The following TUSC3 variants were observed in gnomAD, a reference collection of about 807,000 sequenced individuals.
TUSC3 encodes tumor suppressor candidate 3, also known as dolichyl-diphosphooligosaccharide--protein glycosyltransferase subunit TUSC3.
Under a neutral mutation model 44.8 loss-of-function variants are expected in TUSC3, and 45 were observed. The ratio of observed to expected loss-of-function variants is 1.00; its 90% confidence interval spans 0.79 to 1.29. TUSC3 has a LOEUF of 1.29. Among genes scored for constraint, TUSC3 ranks in the 50% most tolerant of loss-of-function variants. TUSC3 has a pLI of 0.00. For synonymous variants in TUSC3, 212 were observed against 152.9 expected (o/e 1.39, Z -2.85); for missense variants, 519 against 437.9 (o/e 1.19, Z -1.65).
intron 1 of TUSC3, among the ~76,000 whole-genome samples, chr8:15,440,461 A>G (rs1473900261): frequency 1.3e-5 from 2 of 152,210 alleles, no homozygotes; most frequent in Non-Finnish European, 2.9e-5. Flanking sequence ...TTTAAAGCAG[A>G]GAATAACAGA....
intron 6 of TUSC3, among the ~76,000 whole-genome samples, chr8:15,727,962 C>T (rs565730418): frequency 1.3e-5 from 2 of 152,284 alleles, no homozygotes; most frequent in Admixed American, 1.3e-4. Flanking sequence ...TCAGGACTGT[C>T]TCTAAAGCCT....
intron 3 of TUSC3, among the ~76,000 whole-genome samples, chr8:15,658,346 T>C (rs1471400414): frequency 6.6e-6 from 1 of 152,158 alleles, no homozygotes; most frequent in Non-Finnish European, 1.5e-5. Context: ...TTGTAAATAA[T>C]GACTGCTGTA....
At chr8:15,555,830 C>G (rs1158594575) in intron 1 of TUSC3, among the ~76,000 whole-genome samples, 1 of 151,248 alleles carries the variant, frequency 6.6e-6, no homozygotes, top group Non-Finnish European at 1.5e-5. Context: ...AGGTAAATTT[C>G]TTACGGACTC....
intron 2 of TUSC3, among the ~76,000 whole-genome samples, chr8:15,525,844 C>G (rs143049580): frequency 3.0e-4 from 46 of 152,100 alleles, no homozygotes; most frequent in African/African-American, 1.1e-3. Flanking sequence ...AGAGCCTGAT[C>G]GGTTAGGCCG....
In TUSC3 at chr8:15,765,058, A is replaced by C. The variant is rs946881193; in HGVS notation, c.*902A>C. 6 of 152,048 alleles carry C rather than the reference A, an allele frequency of 3.9e-5. No individual in the cohort carries two copies. The highest frequency in any genetic ancestry group is 1.4e-4 in the African/African-American group (6 of 41,440). The allele number at this position is 152,048 out of a possible 1,614,324, so 9.4% of individuals were successfully genotyped here. On this transcript the variant is annotated 3_prime_UTR_variant, in exon 11 of 11. Coordinates refer to ENST00000503731, the MANE Select transcript of TUSC3 (RefSeq NM_006765.4). ...TTATCCTAGGATTAGTGAATGATTC[A>C]ATGAAGCTTTCTTGAAAACAAACAT...
intron 1 of TUSC3, among the ~76,000 whole-genome samples, chr8:15,593,894 G>T (rs966575237): frequency 6.6e-6 from 1 of 151,954 alleles, no homozygotes; most frequent in Non-Finnish European, 1.5e-5. Flanking sequence ...AATGTTAATT[G>T]TGAGGATCTG....
chr8:15,737,187 T>G (rs1451104407), intron 7 of TUSC3, among the ~76,000 whole-genome samples: 1 of 152,068 alleles, frequency 6.6e-6, no homozygotes, highest in Non-Finnish European at 1.5e-5. Flanking sequence ...TAGAAAAAAA[T>G]TAATGATAGA....
chr8:15,825,934 T>A, the TUSC3 span, among the ~76,000 whole-genome samples: 5 of 142,588 alleles, frequency 3.5e-5, no homozygotes, highest in Non-Finnish European at 6.1e-5. Flanking sequence ...GCAATACACC[T>A]AAAGAAATTT....
chr8:15,832,606 A>C, the TUSC3 span, among the ~76,000 whole-genome samples: 2 of 152,220 alleles, frequency 1.3e-5, no homozygotes, highest in East Asian at 3.9e-4. Context: ...AAGCAAATGG[A>C]GAACAGAAAA....
chr8:15,491,646 C>T (rs1281496033), intron 2 of TUSC3, among the ~76,000 whole-genome samples: 6 of 152,150 alleles, frequency 3.9e-5, no homozygotes, highest in Non-Finnish European at 8.8e-5. Flanking sequence ...CCCTTCTGTG[C>T]AATATTCTTT....
intron 1 of TUSC3, among the ~76,000 whole-genome samples, chr8:15,575,844 T>C (rs947150749): frequency 6.6e-6 from 1 of 152,124 alleles, no homozygotes; most frequent in South Asian, 2.1e-4. Context: ...TTGTGGAAAT[T>C]ATACATGTTT....
At chr8:15,834,316 C>G in the TUSC3 span, among the ~76,000 whole-genome samples, 4 of 152,098 alleles carry the variant, frequency 2.6e-5, no homozygotes, top group East Asian at 5.8e-4. Context: ...AATCAGTACA[C>G]TCTTTCTTTT....
chr8:15,527,532 T>A (rs936614086), intron 2 of TUSC3, among the ~76,000 whole-genome samples: 2 of 152,158 alleles, frequency 1.3e-5, no homozygotes, highest in African/African-American at 4.8e-5. Flanking sequence ...TATTTCTTTT[T>A]AAAAAATATT....
intron 1 of TUSC3, among the ~76,000 whole-genome samples, chr8:15,422,088 C>T (rs1168933462): frequency 1.3e-5 from 2 of 152,128 alleles, no homozygotes; most frequent in East Asian, 1.9e-4. Flanking sequence ...CTTTCTGATA[C>T]TCTTATACCC....
chr8:15,793,413 GC>G, the TUSC3 span, among the ~76,000 whole-genome samples: 92 of 152,062 alleles, frequency 6.1e-4, no homozygotes, highest in Non-Finnish European at 1.2e-3. Context: ...CCACCTCAGG[GC>G]CTTTGCACTT....
At chr8:15,577,865 C>T (rs1262524914) in intron 1 of TUSC3, among the ~76,000 whole-genome samples, 5 of 150,626 alleles carry the variant, frequency 3.3e-5, no homozygotes, top group Admixed American at 3.3e-4. Flanking sequence ...TCATTGGTAG[C>T]TTGATGGGGA....
chr8:15,520,691 C>T (rs961108068), intron 2 of TUSC3, among the ~76,000 whole-genome samples: 1 of 152,188 alleles, frequency 6.6e-6, no homozygotes, highest in African/African-American at 2.4e-5. Context: ...CTCATGCATT[C>T]ATATTTCTCT....
chr8:15,577,856 C>G (rs1238291313), intron 1 of TUSC3, among the ~76,000 whole-genome samples: 1 of 150,496 alleles, frequency 6.6e-6, no homozygotes, highest in African/African-American at 2.5e-5. Context: ...TGAGGAAAGT[C>G]ATTGGTAGCT....
At chr8:15,515,874 T>C (rs1343336855) in intron 2 of TUSC3, among the ~76,000 whole-genome samples, 1 of 152,042 alleles carries the variant, frequency 6.6e-6, no homozygotes, top group Admixed American at 6.6e-5. Flanking sequence ...TTTCACCATA[T>C]TGGCCAGGCT....
Sources: gnomAD v4.1 joint callset for allele counts (sites outside exome capture counted in the v4.1 genomes callset) on GRCh38, gnomAD v4.1.1 for gene constraint, MANE v1.5 for transcripts, NCBI Gene and HGNC (gene_info 2026-07-23, HGNC 2026-07-21) for gene names.